NADSYN1: variants seen among roughly 807,000 people sequenced by gnomAD.
NADSYN1 encodes glutamine-dependent NAD(+) synthetase.
A neutral mutation model predicts 99.3 loss-of-function variants in NADSYN1; 80 were observed. The observed-to-expected ratio is 0.81, with a 90% CI of 0.67 to 0.97. NADSYN1 has a LOEUF of 0.97. NADSYN1 is among the 50% of genes least tolerant of loss of function. The pLI is 0.00. For missense variants in NADSYN1, 859 were observed against 948.5 expected (o/e 0.91, Z 1.24); for synonymous variants, 385 against 372.1 (o/e 1.03, Z -0.40).
At chr11:71,481,268 C>A in intron 11 of NADSYN1, 88 bp from the exon 12 acceptor site, 1 of 1,383,628 alleles carries the variant, frequency 7.2e-7, no homozygotes, top group Non-Finnish European at 1.0e-6. Flanking sequence ...TCTGGCACTG[C>A]AGCCTCCTGG....
At chr11:71,495,401 A>G (rs1002379083) in intron 18 of NADSYN1, among the ~76,000 whole-genome samples, 6 of 152,200 alleles carry the variant, frequency 3.9e-5, no homozygotes, top group African/African-American at 1.4e-4. Flanking sequence ...TGACTTCAAC[A>G]TTTAAAGTTG....
chr11:71,495,983 G>T (rs997803059), intron 18 of NADSYN1, among the ~76,000 whole-genome samples: 1 of 152,192 alleles, frequency 6.6e-6, no homozygotes, highest in African/African-American at 2.4e-5. Context: ...CTGGCGCTGT[G>T]ATAGTGATAC....
At chr11:71,465,078 A>G (rs1363257890) in intron 5 of NADSYN1, among the ~76,000 whole-genome samples, 2 of 152,046 alleles carry the variant, frequency 1.3e-5, no homozygotes, top group African/African-American at 2.4e-5. Context: ...GTATGAAAGT[A>G]TGTTACAATA....
intron 19 of NADSYN1, among the ~76,000 whole-genome samples, chr11:71,497,905 G>C (rs1356476233): frequency 6.6e-6 from 1 of 152,222 alleles, no homozygotes; most frequent in Non-Finnish European, 1.5e-5. Context: ...TTTTCTGCCT[G>C]TTGTGAGTCT....
In NADSYN1 at chr11:71,453,252, C is replaced by T; in HGVS notation, c.-45C>T. On this transcript the variant is annotated 5_prime_UTR_variant, in exon 1 of 21. Transcript: ENST00000319023. Reference sequence around the variant, plus strand: ...CCGCCTACCTCGCTGGGACCCTGGTCTTGCTGTCCCCCGCTGGCCTCCTGC... The same window carrying T: ...CCGCCTACCTCGCTGGGACCCTGGTTTTGCTGTCCCCCGCTGGCCTCCTGC... The T allele has an allele frequency of 6.4e-7, 1 of 1,572,192 alleles. No individual in the cohort carries two copies. Among genetic ancestry groups the T allele is most frequent in the Non-Finnish European group, 8.7e-7 (1 of 1,146,576 alleles).
At chr11:71,465,172 G>A (rs1949579378) in intron 5 of NADSYN1, among the ~76,000 whole-genome samples, 1 of 152,118 alleles carries the variant, frequency 6.6e-6, no homozygotes, top group South Asian at 2.1e-4. Context: ...GTGCTGGAGG[G>A]GGCTACATTG....
At chr11:71,486,796 C>CTTTTTTT (rs57662255) in intron 16 of NADSYN1, among the ~76,000 whole-genome samples, 1 of 60,996 alleles carries the variant, frequency 1.6e-5, no homozygotes, top group African/African-American at 7.5e-5. Flanking sequence ...GCGTGAGTGT[C>CTTTTTTT]TTTTTTTTTT....
intron 12 of NADSYN1, 27 bp downstream of exon 12, chr11:71,481,431 C>T (rs200174564): frequency 2.0e-5 from 33 of 1,611,192 alleles, no homozygotes; most frequent in Admixed American, 1.3e-4. Context: ...CTAGTGAGCC[C>T]ACTTTGCTTG....
intron 2 of NADSYN1, 37 bp downstream of exon 2, chr11:71,455,207 A>T (rs777591682): frequency 5.2e-6 from 8 of 1,540,912 alleles, no homozygotes; most frequent in Non-Finnish European, 7.2e-6. Flanking sequence ...GTCGTCAGCT[A>T]GCGATACCAG....
intron 16 of NADSYN1, among the ~76,000 whole-genome samples, chr11:71,488,667 G>C (rs1949759958): frequency 6.6e-6 from 1 of 152,042 alleles, no homozygotes; most frequent in Non-Finnish European, 1.5e-5. Context: ...TTTATTATTA[G>C]AGACAGGGTC....
intron 5 of NADSYN1, among the ~76,000 whole-genome samples, chr11:71,468,151 T>C (rs1949605180): frequency 6.6e-6 from 1 of 152,186 alleles, no homozygotes; most frequent in South Asian, 2.1e-4. Context: ...TCAAGACATT[T>C]TCACACAAGC....
At chr11:71,453,431 G>A (rs1178968262) in intron 1 of NADSYN1, 50 bp downstream of exon 1, 9 of 1,511,576 alleles carry the variant, frequency 6.0e-6, no homozygotes, top group Non-Finnish European at 8.2e-6. Context: ...CACGGGCACC[G>A]TGGCTGGGCC....
chr11:71,481,804 T>TG, intron 12 of NADSYN1, 119 bp from the exon 13 acceptor site: 1 of 795,460 alleles, frequency 1.3e-6, no homozygotes, highest in Non-Finnish European at 2.0e-6. Flanking sequence ...TGGAAAGTGC[T>TG]AACACCCACG....
chr11:71,471,095 T>A (rs1002252104), intron 5 of NADSYN1, among the ~76,000 whole-genome samples: 2 of 152,210 alleles, frequency 1.3e-5, no homozygotes, highest in African/African-American at 4.8e-5. Flanking sequence ...CTTTAGGATT[T>A]CAGAGCATAA....
At chr11:71,481,747 G>A in intron 12 of NADSYN1, 176 bp from the exon 13 acceptor site, 1 of 620,150 alleles carries the variant, frequency 1.6e-6, no homozygotes, top group African/African-American at 1.8e-5. Flanking sequence ...TTTTCCCTCT[G>A]AAAAATCCAT....
intron 9 of NADSYN1, 48 bp downstream of exon 9, chr11:71,474,574 G>C: frequency 6.2e-7 from 1 of 1,612,184 alleles, no homozygotes; most frequent in Non-Finnish European, 8.5e-7. Context: ...TCTGTGCAGA[G>C]ACCGAGCTCC....
At chr11:71,498,007 C>T (rs1322858995) in intron 19 of NADSYN1, among the ~76,000 whole-genome samples, 1 of 152,202 alleles carries the variant, frequency 6.6e-6, no homozygotes, top group Non-Finnish European at 1.5e-5. Context: ...CTTAGATCTC[C>T]CAAGGCAGCA....
chr11:71,500,820 A>G (rs1166998579), intron 20 of NADSYN1, among the ~76,000 whole-genome samples: 1 of 152,128 alleles, frequency 6.6e-6, no homozygotes, highest in Non-Finnish European at 1.5e-5. Flanking sequence ...CTGGATGCCA[A>G]TCTGCTCTGC....
In NADSYN1 at chr11:71,483,013, G is replaced by A. The variant is rs777393064; in HGVS notation, c.1315G>A (p.Gly439Arg). The change falls in exon 14 of 21, where the codon GGA (glycine) becomes AGA (arginine). Residue 439 changes from glycine (G) to arginine (R), a missense_variant. Gly to Arg is a moderately radical substitution (Grantham distance 125, BLOSUM62 -2). Coordinates refer to ENST00000319023, the MANE Select transcript of NADSYN1 (RefSeq NM_018161.5). ...GGCCAGAGAGTTGGCCCAGCAGATT[G>A]GAAGGTAGAGTTGGTCCCTGGTATT... ...TRARELAQQI[G>R]SHHISLNIDP... 8 of 1,611,932 alleles carry A rather than the reference G, an allele frequency of 5.0e-6. No individual in the cohort carries two copies. The Admixed American group carries it at 1.2e-4, about 24-fold the overall frequency.
Sources: gnomAD v4.1 joint callset for allele counts (sites outside exome capture counted in the v4.1 genomes callset) on GRCh38, gnomAD v4.1.1 for gene constraint, MANE v1.5 for transcripts, NCBI Gene and HGNC (gene_info 2026-07-23, HGNC 2026-07-21) for gene names.